NPR1: variants seen among roughly 807,000 people sequenced by gnomAD.
The protein encoded by NPR1 is natriuretic peptide receptor 1.
Under a neutral mutation model 116.9 loss-of-function variants are expected in NPR1, and 57 were observed. That is an observed-to-expected ratio of 0.49 (90% CI 0.39 to 0.61). The LOEUF is 0.61. NPR1 is among the 20% of genes least tolerant of loss of function. The pLI is 0.00. For synonymous variants in NPR1, 555 were observed against 601.6 expected, an observed-to-expected ratio of 0.92 and a Z score of 1.13; for missense variants, 1,096 against 1,409.8, an observed-to-expected ratio of 0.78 and a Z score of 3.56.
chr1:153,686,031 C>A (rs1669918500), intron 9 of NPR1, 92 bp from the exon 10 acceptor site: 2 of 1,444,826 alleles, frequency 1.4e-6, no homozygotes, highest in Admixed American at 1.8e-5. Context: ...AAGTGAGGGT[C>A]CTGAGGGCAG....
At chr1:153,686,786 C>A in intron 11 of NPR1, 36 bp downstream of exon 11, 1 of 1,576,254 alleles carries the variant, frequency 6.3e-7, no homozygotes. Context: ...AACCTGGGTT[C>A]TAGCCCTGGC....
chr1:153,691,339 A>T (rs892032625), intron 20 of NPR1, among the ~76,000 whole-genome samples: 1 of 152,180 alleles, frequency 6.6e-6, no homozygotes, highest in Non-Finnish European at 1.5e-5. Context: ...CTTCTGCTGT[A>T]TTCGACACAA....
chr1:153,687,555 T>G (rs528393653), intron 13 of NPR1, 79 bp from the exon 14 acceptor site: 136 of 1,516,808 alleles, frequency 9.0e-5, no homozygotes, highest in Non-Finnish European at 1.2e-4. Context: ...CCAGATCAGT[T>G]TCGGCCACAC....
chr1:153,691,563 GC>G (rs1252319134), intron 20 of NPR1, among the ~76,000 whole-genome samples: 1 of 152,132 alleles, frequency 6.6e-6, no homozygotes, highest in African/African-American at 2.4e-5. Context: ...TCAGAGTACA[GC>G]CCCTTGTTGA....
Position 153,693,478 on chromosome 1 carries a change from G to C in NPR1, c.*64G>C. 7.0e-7 allele frequency: 1 copy of C among 1,431,248 alleles called. No individual in the cohort carries two copies. Among genetic ancestry groups the C allele is most frequent in the Non-Finnish European group, 9.6e-7 (1 of 1,045,266 alleles). 88.7% of individuals were successfully genotyped at this position (1,431,248 alleles called of 1,614,324 possible). On this transcript the variant is annotated 3_prime_UTR_variant, in exon 22 of 22. Coordinates refer to ENST00000368680, the MANE Select transcript of NPR1 (RefSeq NM_000906.4). ...GTGCCAGAAGCAACAGAGGTGCCAG[G>C]CCTCAGCCTCACCCACAGCAGCCCC...
At chr1:153,683,306 G>A (rs1669833380) in intron 5 of NPR1, 70 bp from the exon 6 acceptor site, 1 of 1,539,458 alleles carries the variant, frequency 6.5e-7, no homozygotes, top group Non-Finnish European at 8.8e-7. Flanking sequence ...GGTGGGAGGT[G>A]AGACTGCTGC....
chr1:153,687,368 C>G lies in NPR1; in HGVS notation c.2092+12C>G. 6.2e-7 allele frequency: 1 copy of G among 1,613,164 alleles called. No homozygotes were observed. The highest frequency in any genetic ancestry group is 8.5e-7 in the Non-Finnish European group (1 of 1,179,426). ...CACCGTTTATGCCAGTGAGCCTTGA[C>G]TCTTGAACCTAACACCTGCCCCCAG... On this transcript the variant is annotated intron_variant, in intron 13 of 21. Transcript: ENST00000368680.
chr1:153,681,756 C>A lies in NPR1; in HGVS notation c.1088C>A (p.Ala363Glu). 1 of 1,614,014 alleles carries A rather than the reference C, an allele frequency of 6.2e-7. No homozygotes were observed. Among genetic ancestry groups the A allele is most frequent in the Non-Finnish European group, 8.5e-7 (1 of 1,179,988 alleles). Residue 363 changes from alanine to glutamate, a missense_variant, in exon 4 of 22, where the codon GCA becomes GAA. By Grantham distance (107) the Ala-to-Glu change is moderately radical. Transcript: ENST00000368680. ...GACGGGCTCCTGCTCTATATCCAGG[C>A]AGTGACGGAGACTCTGGCACATGGG... ...FHDGLLLYIQ[A>E]VTETLAHGGT...
rs371977939 is a variant in NPR1, at chr1:153,689,356, G to A, written c.2688+45G>A. 1 of 1,614,126 alleles carries A rather than the reference G, an allele frequency of 6.2e-7. No homozygotes were observed. Among genetic ancestry groups the A allele is most frequent in the Non-Finnish European group, 8.5e-7 (1 of 1,180,016 alleles). On this transcript the variant is annotated intron_variant, in intron 17 of 21. Transcript: ENST00000368680. The surrounding 1 kb of genome is among the most constrained non-coding windows in gnomAD (Gnocchi z 5.1). Reference sequence around the variant, plus strand: ...CAGGTGCCAGGCAAGCTCAGCATCTGGATCCCACCAGACCTGCCTTCTGGT... The same window carrying A: ...CAGGTGCCAGGCAAGCTCAGCATCTAGATCCCACCAGACCTGCCTTCTGGT...
chr1:153,687,172 C>A, intron 12 of NPR1, 28 bp from the exon 13 acceptor site: 1 of 1,613,992 alleles, frequency 6.2e-7, no homozygotes, highest in Non-Finnish European at 8.5e-7. Context: ...CACTCCTGGC[C>A]AATACCTCTG....
At position 153,679,037 on chromosome 1, in the gene NPR1, C is replaced by T. The variant is rs1165153723; in HGVS notation, c.-72C>T. On this transcript the variant is annotated 5_prime_UTR_variant, in exon 1 of 22. Coordinates refer to ENST00000368680, the MANE Select transcript of NPR1 (RefSeq NM_000906.4). The surrounding 1 kb of genome is among the most constrained non-coding windows in gnomAD (Gnocchi z 4.2). ...TAGGGACGCGCCTGATGCCTGGGACCGGCCGCTGAGCCCAAGGGGACCGAG... is the reference window on the plus strand; with the variant it reads ...TAGGGACGCGCCTGATGCCTGGGACTGGCCGCTGAGCCCAAGGGGACCGAG... 1.5e-6 allele frequency: 2 copies of T among 1,370,364 alleles called. No individual in the cohort carries two copies. The highest frequency in any genetic ancestry group is 3.0e-5 in the East Asian group (1 of 33,224). 84.9% of individuals were successfully genotyped at this position (1,370,364 alleles called of 1,614,324 possible).
At chr1:153,682,775 C>T (rs1669818295) in intron 5 of NPR1, among the ~76,000 whole-genome samples, 186 bp downstream of exon 5, 1 of 152,240 alleles carries the variant, frequency 6.6e-6, no homozygotes, top group Non-Finnish European at 1.5e-5. Flanking sequence ...ATGATAGGGA[C>T]TCACAGGCAT....
chr1:153,692,598 C>T (rs912667698), intron 20 of NPR1, among the ~76,000 whole-genome samples: 3 of 151,872 alleles, frequency 2.0e-5, no homozygotes, highest in East Asian at 1.9e-4. Flanking sequence ...CTGCAACCTC[C>T]GCCTCCCAGG....
chr1:153,688,898 C>G, intron 15 of NPR1, 55 bp from the exon 16 acceptor site: 1 of 1,610,204 alleles, frequency 6.2e-7, no homozygotes, highest in East Asian at 2.2e-5. Context: ...CGGGCGCTCA[C>G]GGTAGGCTGT....
Position 153,693,605 on chromosome 1 carries a change from G to A in NPR1, c.*191G>A, listed in dbSNP as rs970360894. The A allele has an allele frequency of 5.6e-6, 3 of 531,708 alleles. No individual in the cohort carries two copies. In the African/African-American group the frequency reaches 5.8e-5, roughly 10 times the overall value. The allele number at this position is 531,708 out of a possible 1,614,324, so 32.9% of individuals were successfully genotyped here. The stretch of plus-strand genomic sequence containing the variant: ...AGGGGACTGGCATGGGGGGATCTCA[G>A]AGCTTACAGGCTGAGCCAAGCCCAC... On this transcript the variant is annotated 3_prime_UTR_variant, in exon 22 of 22. Coordinates refer to ENST00000368680, the MANE Select transcript of NPR1 (RefSeq NM_000906.4).
intron 6 of NPR1, 71 bp from the exon 7 acceptor site, chr1:153,683,669 C>A: frequency 6.5e-7 from 1 of 1,549,292 alleles, no homozygotes; most frequent in Non-Finnish European, 8.9e-7. Flanking sequence ...CACTGATGGA[C>A]TATTAGAAAG....
chr1:153,682,523 T>C lies in NPR1; in HGVS notation c.1197T>C (p.Asp399=). The C allele has an allele frequency of 6.2e-7, 1 of 1,614,098 alleles. No individual in the cohort carries two copies. Among genetic ancestry groups the C allele is most frequent in the Admixed American group, 1.7e-5 (1 of 60,022 alleles). ...GTGTGACAGGATACCTGAAAATTGA[T>C]AGCAGTGGCGATCGGGAAACAGACT... ...FQGVTGYLKI[D]SSGDRETDFS... The change falls in exon 5 of 22, where the codon GAT becomes GAC. Residue 399 remains aspartate, a synonymous_variant. Transcript: ENST00000368680.
Position 153,689,976 on chromosome 1 carries a change from C to T in NPR1, c.2928C>T (p.His976=), listed in dbSNP as rs1454834386. ...QEQLRLRIGI[H]TGPVCAGVVG... ...AGCTGCGCTTGCGCATTGGCATCCACACAGGTAAGGCCACTGAAGGTGCAG... is the reference window on the plus strand; with the variant it reads ...AGCTGCGCTTGCGCATTGGCATCCATACAGGTAAGGCCACTGAAGGTGCAG... Residue 976 remains histidine (H), a synonymous_variant, in exon 19 of 22, where the codon CAC becomes CAT. Coordinates refer to ENST00000368680, the MANE Select transcript of NPR1 (RefSeq NM_000906.4). This position sits in a 1 kb window ranked among gnomAD's most constrained non-coding sequence, Gnocchi z 5.1. The T allele has an allele frequency of 6.6e-7, 1 of 1,524,876 alleles. No homozygotes were observed. Among genetic ancestry groups the T allele is most frequent in the Non-Finnish European group, 8.8e-7 (1 of 1,131,400 alleles). 94.5% of individuals were successfully genotyped at this position (1,524,876 alleles called of 1,614,324 possible).
chr1:153,689,551 C>T lies in NPR1; in HGVS notation c.2757+30C>T. 1 of 1,594,390 alleles carries T rather than the reference C, an allele frequency of 6.3e-7. No individual in the cohort carries two copies. The highest frequency in any genetic ancestry group is 1.1e-5 in the South Asian group (1 of 90,722). ...GGGTGGGAGTGGGGATGGGAAGGGA[C>T]AGACAGACATGGACAAGGTCAGAAA... On this transcript the variant is annotated intron_variant, in intron 18 of 21. Coordinates refer to ENST00000368680, the MANE Select transcript of NPR1 (RefSeq NM_000906.4). This position sits in a 1 kb window ranked among gnomAD's most constrained non-coding sequence, Gnocchi z 5.1.
Sources: gnomAD v4.1 joint callset for allele counts (sites outside exome capture counted in the v4.1 genomes callset) on GRCh38, gnomAD v4.1.1 for gene constraint, Gnocchi (gnomAD v3.1) non-coding constraint, MANE v1.5 for transcripts, NCBI Gene and HGNC (gene_info 2026-07-23, HGNC 2026-07-21) for gene names.